The following NRG3 variants were observed in gnomAD, a reference collection of about 807,000 sequenced individuals.
The protein encoded by NRG3 is neuregulin 3.
NRG3 carries 31 observed loss-of-function variants against 66.9 expected under a neutral mutation model. The ratio of observed to expected loss-of-function variants is 0.46; its 90% CI spans 0.35 to 0.63. The LOEUF is 0.63. NRG3 is among the 20% of genes least tolerant of loss of function. The pLI, the probability that NRG3 is intolerant of heterozygous loss-of-function variation, is 0.00. For missense variants in NRG3, 910 were observed against 878.9 expected (o/e 1.04, Z -0.45); for synonymous variants, 393 against 359.4 (o/e 1.09, Z -1.06).
At chr10:81,938,635 GTGTGTGCA>G (rs999188514) in intron 1 of NRG3, among the ~76,000 whole-genome samples, 1 of 151,040 alleles carries the variant, frequency 6.6e-6, no homozygotes, top group African/African-American at 2.4e-5. Flanking sequence ...GTGTGTGTGT[GTGTGTGCA>G]TGCATGCATG....
chr10:81,933,033 G>A (rs1477588456), intron 1 of NRG3, among the ~76,000 whole-genome samples: 3 of 151,182 alleles, frequency 2.0e-5, no homozygotes, highest in South Asian at 2.1e-4. Flanking sequence ...GCTTGAACCC[G>A]GGAGGCAGAG....
At chr10:82,734,591 T>C (rs2058068437) in intron 2 of NRG3, among the ~76,000 whole-genome samples, 1 of 152,138 alleles carries the variant, frequency 6.6e-6, no homozygotes. Context: ...TCTCTTATTC[T>C]GTGTTTTCTT....
At position 82,358,997 on chromosome 10, in the gene NRG3, G is replaced by A. The variant is rs143302037; in HGVS notation, c.953+129G>A. 892 of 1,313,788 alleles carry A rather than the reference G, an allele frequency of 6.8e-4. 1 individual carries two copies. The highest frequency in any genetic ancestry group is 5.9e-3 in the Middle Eastern group (22 of 3,710). 81.4% of individuals were successfully genotyped at this position (1,313,788 alleles called of 1,614,324 possible). ...GTCCCACCGTTTGAATAGCAGAATT[G>A]CGAGTCTTAATTTGGAAAGGGCAAG... On this transcript the variant is annotated intron_variant, in intron 2 of 8. Coordinates refer to ENST00000372141, the MANE Select transcript of NRG3 (RefSeq NM_001010848.4).
chr10:82,668,127 G>A (rs941038764), intron 2 of NRG3, among the ~76,000 whole-genome samples: 5 of 151,094 alleles, frequency 3.3e-5, no homozygotes, highest in Admixed American at 1.3e-4. Flanking sequence ...TTCTCTGCCC[G>A]CACCCTCTCC....
chr10:82,443,999 TC>T (rs2090579521), intron 2 of NRG3, among the ~76,000 whole-genome samples: 1 of 152,222 alleles, frequency 6.6e-6, no homozygotes, highest in African/African-American at 2.4e-5. Flanking sequence ...TATCAAAGTA[TC>T]CCAGCTAATA....
chr10:82,807,358 G>A (rs2061333151), intron 3 of NRG3, among the ~76,000 whole-genome samples: 1 of 152,130 alleles, frequency 6.6e-6, no homozygotes, highest in Non-Finnish European at 1.5e-5. Context: ...TCAATAAGGG[G>A]AACTGACAGT....
At chr10:82,244,212 A>C (rs1049810298) in intron 1 of NRG3, among the ~76,000 whole-genome samples, 1 of 152,142 alleles carries the variant, frequency 6.6e-6, no homozygotes, top group African/African-American at 2.4e-5. Context: ...GTGCTGTTCA[A>C]CTGGCAGGGA....
At chr10:82,944,579 A>G (rs1319983627) in intron 4 of NRG3, among the ~76,000 whole-genome samples, 1 of 152,214 alleles carries the variant, frequency 6.6e-6, no homozygotes, top group East Asian at 1.9e-4. Flanking sequence ...GGTCTTAATA[A>G]TACATGTTTT....
At chr10:82,361,693 G>A (rs899445768) in intron 2 of NRG3, among the ~76,000 whole-genome samples, 3 of 152,056 alleles carry the variant, frequency 2.0e-5, no homozygotes, top group South Asian at 2.1e-4. Context: ...ATACTTCATC[G>A]TTAGGAAATT....
chr10:82,430,760 G>A (rs1038042551), intron 2 of NRG3, among the ~76,000 whole-genome samples: 1 of 152,258 alleles, frequency 6.6e-6, no homozygotes, highest in Middle Eastern at 3.4e-3. Flanking sequence ...TACTGGGATG[G>A]TTTGGTGTCA....
chr10:81,984,766 G>A (rs2060459788), intron 1 of NRG3, among the ~76,000 whole-genome samples: 1 of 152,108 alleles, frequency 6.6e-6, no homozygotes, highest in Admixed American at 6.6e-5. Flanking sequence ...TATAGAGATA[G>A]ATGCATTCCA....
chr10:82,888,271 C>T (rs1311738955), intron 4 of NRG3, among the ~76,000 whole-genome samples: 1 of 152,118 alleles, frequency 6.6e-6, no homozygotes, highest in African/African-American at 2.4e-5. Context: ...TACACACACA[C>T]TCACATAGCA....
chr10:82,756,006 T>C (rs1345343880), intron 3 of NRG3, among the ~76,000 whole-genome samples: 1 of 152,108 alleles, frequency 6.6e-6, no homozygotes, highest in East Asian at 1.9e-4. Flanking sequence ...CTTCCTGATT[T>C]ACAGTCTCAG....
At chr10:81,965,012 T>G (rs2059678374) in intron 1 of NRG3, among the ~76,000 whole-genome samples, 1 of 152,252 alleles carries the variant, frequency 6.6e-6, no homozygotes, top group African/African-American at 2.4e-5. Context: ...CATTTACCCA[T>G]TTAATATTAA....
intron 1 of NRG3, among the ~76,000 whole-genome samples, chr10:82,033,410 C>A (rs955063846): frequency 1.3e-5 from 2 of 152,062 alleles, no homozygotes; most frequent in African/African-American, 2.4e-5. Flanking sequence ...AGAAGCCTTC[C>A]CTGGTACCTT....
At chr10:82,758,909 G>C (rs2059187632) in intron 3 of NRG3, among the ~76,000 whole-genome samples, 1 of 151,410 alleles carries the variant, frequency 6.6e-6, no homozygotes, top group East Asian at 1.9e-4. Context: ...AAAGTCCTCT[G>C]TGGTGATAAG....
At chr10:82,292,484 A>T (rs1020514901) in intron 1 of NRG3, among the ~76,000 whole-genome samples, 1 of 152,206 alleles carries the variant, frequency 6.6e-6, no homozygotes. Flanking sequence ...GCACTCTTGC[A>T]TATTAACCCC....
At chr10:82,204,789 T>C (rs2075036035) in intron 1 of NRG3, among the ~76,000 whole-genome samples, 1 of 152,226 alleles carries the variant, frequency 6.6e-6, no homozygotes. Flanking sequence ...CTTTGACATG[T>C]ATTCTCAAAA....
At chr10:82,268,569 A>T (rs1263744275) in intron 1 of NRG3, among the ~76,000 whole-genome samples, 1 of 152,110 alleles carries the variant, frequency 6.6e-6, no homozygotes, top group Non-Finnish European at 1.5e-5. Flanking sequence ...TTTTATCAAG[A>T]TTCCTTCTCT....
Sources: gnomAD v4.1 joint callset for allele counts (sites outside exome capture counted in the v4.1 genomes callset) on GRCh38, gnomAD v4.1.1 for gene constraint, MANE v1.5 for transcripts, NCBI Gene and HGNC (gene_info 2026-07-23, HGNC 2026-07-21) for gene names.